DOCK1: variants seen among roughly 807,000 people sequenced by gnomAD.
The protein encoded by DOCK1 is dedicator of cytokinesis 1, also known as dedicator of cytokinesis protein 1.
DOCK1 carries 138 observed loss-of-function variants against 262.7 expected under a neutral mutation model. That is an observed-to-expected ratio of 0.53 (90% CI 0.46 to 0.61). The LOEUF (loss-of-function observed/expected upper bound fraction) is 0.61, where lower values mean the gene tolerates loss of function less well. Among genes scored for constraint, DOCK1 ranks in the 20% least tolerant of loss-of-function variants. The pLI, the probability that DOCK1 is intolerant of heterozygous loss-of-function variation, is 0.00. For missense variants in DOCK1, 1,908 were observed against 2,370.7 expected, an observed-to-expected ratio of 0.80 and a Z score of 4.05; for synonymous variants, 866 against 867.4, an observed-to-expected ratio of 1.00 and a Z score of 0.03.
intron 27 of DOCK1, among the ~76,000 whole-genome samples, chr10:127,160,158 C>T (rs1367929331): frequency 6.6e-6 from 1 of 151,430 alleles, no homozygotes; most frequent in African/African-American, 2.4e-5. Flanking sequence ...AAAAGTCTCT[C>T]ACTGTGCTGT....
rs2040235501 is a variant in DOCK1 at position 126,996,887 on chromosome 10, A to C, written c.609+4A>C. The C allele has an allele frequency of 6.3e-7, 1 of 1,594,440 alleles. No homozygotes were observed. Among genetic ancestry groups the C allele is most frequent in the African/African-American group, 1.4e-5 (1 of 73,572 alleles). ...GGAAAGGTTACAAGAGGAAAAAGTA[A>C]GTTTGACTCTGTCATATGCCATTCA... On this transcript the variant is annotated splice_donor_region_variant and intron_variant, in intron 7 of 51. Transcript: ENST00000623213.
intron 51 of DOCK1, 111 bp from the exon 52 acceptor site, chr10:127,451,221 G>T: frequency 8.2e-7 from 1 of 1,214,724 alleles, no homozygotes; most frequent in Non-Finnish European, 1.2e-6. Context: ...CTCATGTGGG[G>T]AGGATGGTTC....
At chr10:127,407,414 C>CT (rs2067579533) in intron 40 of DOCK1, among the ~76,000 whole-genome samples, 1 of 152,096 alleles carries the variant, frequency 6.6e-6, no homozygotes. Flanking sequence ...GCACTGATGA[C>CT]TTTCCTAAGG....
chr10:127,232,479 G>A (rs1313941778), intron 27 of DOCK1, among the ~76,000 whole-genome samples: 1 of 152,136 alleles, frequency 6.6e-6, no homozygotes, highest in African/African-American at 2.4e-5. Context: ...TTATAGGTCT[G>A]CGCCTTGGTC....
chr10:127,165,839 A>G (rs1406563011), intron 27 of DOCK1, among the ~76,000 whole-genome samples: 1 of 152,144 alleles, frequency 6.6e-6, no homozygotes, highest in Non-Finnish European at 1.5e-5. Flanking sequence ...ATTCCTGTTA[A>G]TGATTACAGA....
At chr10:127,059,435 G>A (rs1185354772) in intron 22 of DOCK1, among the ~76,000 whole-genome samples, 11 of 152,184 alleles carry the variant, frequency 7.2e-5, no homozygotes, top group Admixed American at 2.0e-4. Context: ...TCAATTACAT[G>A]TATGTTAGAT....
At chr10:127,401,988 C>G (rs1482870684) in intron 38 of DOCK1, among the ~76,000 whole-genome samples, 2 of 152,172 alleles carry the variant, frequency 1.3e-5, no homozygotes, top group Non-Finnish European at 2.9e-5. Context: ...TGCGTGGTTC[C>G]CCTCAGGACT....
At chr10:127,383,656 G>A (rs988724426) in intron 37 of DOCK1, among the ~76,000 whole-genome samples, 3 of 152,226 alleles carry the variant, frequency 2.0e-5, no homozygotes, top group African/African-American at 4.8e-5. Context: ...AGTGGGGCGG[G>A]ACCTTTGCTA....
intron 11 of DOCK1, among the ~76,000 whole-genome samples, chr10:127,009,271 T>G (rs923532304): frequency 6.6e-6 from 1 of 152,206 alleles, no homozygotes; most frequent in African/African-American, 2.4e-5. Flanking sequence ...GTGTCTCGGT[T>G]TTTGCTTAGA....
intron 1 of DOCK1, among the ~76,000 whole-genome samples, chr10:126,954,018 TC>T (rs2036538544): frequency 1.3e-5 from 2 of 152,300 alleles, no homozygotes; most frequent in East Asian, 3.9e-4. Context: ...GGGCAAAGTC[TC>T]CCCTGCCTGC....
intron 1 of DOCK1, among the ~76,000 whole-genome samples, chr10:126,968,702 G>A (rs902298583): frequency 1.6e-4 from 25 of 152,194 alleles, no homozygotes; most frequent in Non-Finnish European, 2.6e-4. Context: ...TGGCAGGGAT[G>A]CTGTTAGGAA....
Position 127,025,609 on chromosome 10 carries a change from G to T in DOCK1, c.1552-743G>T, listed in dbSNP as rs182133835. On this transcript the variant is annotated intron_variant, in intron 15 of 51. Transcript: ENST00000623213. ...TTACAGGCATGTACCATGATGCCTG[G>T]CTAATGTTTTTGGTATTTTTAGTAG... 2.0e-5 allele frequency among the ~76,000 whole-genome samples: 3 copies of T among 152,096 alleles called. No individual in the cohort carries two copies. The East Asian group carries it at 5.9e-4, about 30-fold the overall frequency.
At chr10:127,098,507 C>T (rs1290905682) in intron 23 of DOCK1, among the ~76,000 whole-genome samples, 1 of 152,156 alleles carries the variant, frequency 6.6e-6, no homozygotes, top group Non-Finnish European at 1.5e-5. Flanking sequence ...ATCACATGCA[C>T]AACACGTCAT....
At chr10:127,051,077 T>C (rs1305420715) in intron 21 of DOCK1, among the ~76,000 whole-genome samples, 1 of 152,124 alleles carries the variant, frequency 6.6e-6, no homozygotes, top group East Asian at 1.9e-4. Flanking sequence ...CTATAATTAC[T>C]TCTGTAGTAG....
At chr10:127,044,550 A>G (rs976082557) in intron 21 of DOCK1, among the ~76,000 whole-genome samples, 1 of 152,228 alleles carries the variant, frequency 6.6e-6, no homozygotes, top group Admixed American at 6.5e-5. Flanking sequence ...TGACCAAAAC[A>G]GGAGCTTGTG....
chr10:126,974,428 C>T (rs1485119834), intron 2 of DOCK1, among the ~76,000 whole-genome samples: 2 of 152,138 alleles, frequency 1.3e-5, no homozygotes, highest in African/African-American at 4.8e-5. Flanking sequence ...CTGTGTCCTC[C>T]CCGAGTTTGG....
intron 29 of DOCK1, among the ~76,000 whole-genome samples, chr10:127,280,857 C>T (rs546048164): frequency 3.3e-5 from 5 of 152,138 alleles, no homozygotes; most frequent in East Asian, 1.9e-4. Context: ...CTAAGAACAT[C>T]GGAATATTTT....
At chr10:127,249,432 T>TACAC (rs376080330) in intron 28 of DOCK1, among the ~76,000 whole-genome samples, 26 of 97,040 alleles carry the variant, frequency 2.7e-4, no homozygotes, top group African/African-American at 7.8e-4. Flanking sequence ...CATATATATA[T>TACAC]ACACACACAC....
At position 127,059,001 on chromosome 10, in the gene DOCK1, C is replaced by A. The variant is rs906578817; in HGVS notation, c.2337-2667C>A. On this transcript the variant is annotated intron_variant, in intron 22 of 51. Coordinates refer to ENST00000623213, the MANE Select transcript of DOCK1 (RefSeq NM_001290223.2). ...TCCAAAGAACTCACTTGTATTATTT[C>A]TTTTAGTGTTGGCCAGTTATGGGAC... Among the ~76,000 whole-genome samples, 4 of 152,080 alleles carry A rather than the reference C, an allele frequency of 2.6e-5. No individual in the cohort carries two copies. The East Asian group carries it at 5.8e-4, about 22-fold the overall frequency.
Sources: gnomAD v4.1 joint callset for allele counts (sites outside exome capture counted in the v4.1 genomes callset) on GRCh38, gnomAD v4.1.1 for gene constraint, MANE v1.5 for transcripts, NCBI Gene and HGNC (gene_info 2026-07-23, HGNC 2026-07-21) for gene names.